DRC11L: variants seen among roughly 807,000 people sequenced by gnomAD.
DRC11L encodes dynein regulatory complex subunit like-11.
At chr7:151,204,509 T>G in the DRC11L span, 9 of 398,710 alleles carry the variant, frequency 2.3e-5, no homozygotes, top group East Asian at 3.6e-5. Flanking sequence ...GCACACGTAC[T>G]GGGGTGAGCT....
the DRC11L span, chr7:151,194,293 T>C: frequency 2.5e-6 from 1 of 399,180 alleles, no homozygotes; most frequent in Non-Finnish European, 4.4e-6. Context: ...CATTCTGTCG[T>C]ATGTCAAACA....
chr7:151,201,120 G>A, the DRC11L span, among the ~76,000 whole-genome samples: 311 of 152,336 alleles, frequency 2.0e-3, 2 homozygotes, highest in African/African-American at 7.0e-3. The surrounding 1 kb of genome is among the most constrained non-coding windows in gnomAD (Gnocchi z 4.1). Flanking sequence ...CAGAGGGTGG[G>A]GACGCTGGGC....
the DRC11L span, chr7:151,196,972 C>G: frequency 5.0e-6 from 2 of 399,276 alleles, no homozygotes; most frequent in East Asian, 7.1e-5. Context: ...CATCTCCCCT[C>G]TTACTTAAGT....
the DRC11L span, chr7:151,190,943 C>T: frequency 6.5e-5 from 26 of 399,822 alleles, no homozygotes; most frequent in African/African-American, 3.9e-4. Context: ...TGCCCTGTCC[C>T]ACGCCACTAA....
the DRC11L span, among the ~76,000 whole-genome samples, chr7:151,201,864 T>C: frequency 6.6e-6 from 1 of 152,124 alleles, no homozygotes; most frequent in African/African-American, 2.4e-5. The surrounding 1 kb of genome is among the most constrained non-coding windows in gnomAD (Gnocchi z 4.1). Context: ...TGCACTGGAA[T>C]TTTCCCGGGG....
chr7:151,193,151 C>G, the DRC11L span: 9 of 397,768 alleles, frequency 2.3e-5, no homozygotes, highest in African/African-American at 1.4e-4. Flanking sequence ...AAGCTCCTAG[C>G]CCGGTTGGTA....
the DRC11L span, chr7:151,197,032 T>TTGCAACACC: frequency 2.5e-6 from 1 of 399,674 alleles, no homozygotes; most frequent in East Asian, 3.6e-5. Flanking sequence ...ATGGCAACAC[T>TTGCAACACC]TGCAACACCG....
At chr7:151,198,669 G>T in the DRC11L span, 1 of 397,038 alleles carries the variant, frequency 2.5e-6, no homozygotes, top group Non-Finnish European at 4.4e-6. Context: ...GGACCTGGGG[G>T]TAGAGGAGAA....
chr7:151,192,195 G>T, the DRC11L span: 1 of 398,512 alleles, frequency 2.5e-6, no homozygotes, highest in Non-Finnish European at 4.4e-6. Context: ...GGGGGTGAGG[G>T]CTCGCAGCAG....
At chr7:151,199,906 A>C in the DRC11L span, among the ~76,000 whole-genome samples, 10 of 152,068 alleles carry the variant, frequency 6.6e-5, no homozygotes, top group Non-Finnish European at 1.2e-4. This position sits in a 1 kb window ranked among gnomAD's most constrained non-coding sequence, Gnocchi z 5.2. Flanking sequence ...AGGCCTACTC[A>C]CTTTGGCCAG....
the DRC11L span, chr7:151,195,688 T>C: frequency 5.3e-4 from 209 of 397,048 alleles, no homozygotes; most frequent in African/African-American, 3.9e-3. Flanking sequence ...TGTGGCGGGG[T>C]GGCCTGGGGC....
chr7:151,196,139 G>C, the DRC11L span, among the ~76,000 whole-genome samples: 1 of 152,294 alleles, frequency 6.6e-6, no homozygotes, highest in South Asian at 2.1e-4. Flanking sequence ...GATGGTGGGG[G>C]GGTGTGGACA....
the DRC11L span, among the ~76,000 whole-genome samples, chr7:151,200,849 G>T: frequency 6.6e-6 from 1 of 152,176 alleles, no homozygotes; most frequent in African/African-American, 2.4e-5. Flanking sequence ...AGGGACTGTG[G>T]AGCTCCTCAG....
chr7:151,195,512 C>T, the DRC11L span: 145,024 of 399,536 alleles, frequency 0.36, 29,058 homozygotes, highest in Non-Finnish European at 0.43. Flanking sequence ...GCGTAGGTCA[C>T]TGTGCCCTGT....
the DRC11L span, among the ~76,000 whole-genome samples, chr7:151,195,093 C>T: frequency 1.3e-5 from 2 of 152,128 alleles, no homozygotes; most frequent in Non-Finnish European, 2.9e-5. Flanking sequence ...GTGGGAAGTC[C>T]AGGGGGAAAT....
the DRC11L span, chr7:151,205,439 C>G: frequency 5.0e-6 from 2 of 399,356 alleles, no homozygotes; most frequent in Non-Finnish European, 8.8e-6. Flanking sequence ...CAGCCCCTCA[C>G]TCACCCCTCA....
chr7:151,203,087 C>T, the DRC11L span: 3 of 399,272 alleles, frequency 7.5e-6, no homozygotes, highest in Non-Finnish European at 1.3e-5. Context: ...CGGTGCATTC[C>T]TGTAAAGCTC....
the DRC11L span, chr7:151,193,177 T>C: frequency 1.5e-5 from 6 of 398,106 alleles, no homozygotes; most frequent in Middle Eastern, 6.3e-4. Flanking sequence ...ACCTCACCAG[T>C]TCAGCACCTG....
the DRC11L span, chr7:151,192,416 G>A: frequency 1.3e-5 from 5 of 399,422 alleles, no homozygotes; most frequent in Non-Finnish European, 1.8e-5. Context: ...CAGCCGCAAG[G>A]CCTTGGTGAG....
Sources: gnomAD v4.1 joint callset for allele counts (sites outside exome capture counted in the v4.1 genomes callset) on GRCh38, gnomAD v4.1.1 for gene constraint, Gnocchi (gnomAD v3.1) non-coding constraint, MANE v1.5 for transcripts, NCBI Gene and HGNC (gene_info 2026-07-23, HGNC 2026-07-21) for gene names.